PIBF1: variants seen among roughly 807,000 people sequenced by gnomAD.
The protein encoded by PIBF1 is progesterone-induced-blocking factor 1.
In PIBF1, 90 loss-of-function variants were observed where a neutral mutation model predicts 112.5. That is an observed-to-expected ratio of 0.80 (90% CI 0.67 to 0.95). The LOEUF (loss-of-function observed/expected upper bound fraction) is 0.95. Ranked by LOEUF, PIBF1 falls within the 40% of genes least tolerant of loss-of-function variation. PIBF1 has a pLI of 0.00. For missense variants in PIBF1, 915 were observed against 852.3 expected (o/e 1.07, Z -0.92); for synonymous variants, 301 against 288.6 (o/e 1.04, Z -0.44).
intron 14 of PIBF1, among the ~76,000 whole-genome samples, chr13:72,949,774 T>C (rs1307589051): frequency 6.6e-6 from 1 of 152,130 alleles, no homozygotes; most frequent in Admixed American, 6.5e-5. Context: ...TGCTATTCTG[T>C]TCTGTTTCTT....
chr13:72,814,192 C>A (rs1319613504), intron 5 of PIBF1, among the ~76,000 whole-genome samples: 2 of 152,066 alleles, frequency 1.3e-5, no homozygotes, highest in Non-Finnish European at 2.9e-5. Context: ...AATCCCAGCG[C>A]TCTAGGAGGC....
intron 6 of PIBF1, 47 bp downstream of exon 6, chr13:72,822,029 G>A: frequency 2.0e-6 from 3 of 1,512,926 alleles, no homozygotes; most frequent in East Asian, 2.4e-5. Context: ...TTTTTAGGGT[G>A]CATCAAAGTC....
intron 17 of PIBF1, among the ~76,000 whole-genome samples, chr13:73,003,049 A>G (rs2043923233): frequency 7.0e-6 from 1 of 143,422 alleles, no homozygotes; most frequent in South Asian, 2.4e-4. Context: ...ACGATTGTGC[A>G]CCTCCAGTGT....
chr13:72,904,446 T>TTTTTTTTTTG (rs2040614769), intron 11 of PIBF1, among the ~76,000 whole-genome samples: 1 of 117,104 alleles, frequency 8.5e-6, no homozygotes, highest in African/African-American at 3.3e-5. Flanking sequence ...TTTTTTTTTT[T>TTTTTTTTTTG]TTTTTTTTTT....
intron 16 of PIBF1, among the ~76,000 whole-genome samples, chr13:72,983,365 C>T (rs925533588): frequency 3.3e-5 from 5 of 152,080 alleles, no homozygotes; most frequent in African/African-American, 7.2e-5. Flanking sequence ...AGTGTTTTTG[C>T]CAATAACACT....
intron 6 of PIBF1, among the ~76,000 whole-genome samples, chr13:72,822,459 T>C (rs1462473870): frequency 6.6e-6 from 1 of 152,184 alleles, no homozygotes; most frequent in East Asian, 1.9e-4. Flanking sequence ...GTTCAGTAAT[T>C]TAATGAGCTG....
chr13:72,915,269 G>C (rs889771026), intron 12 of PIBF1, among the ~76,000 whole-genome samples: 2 of 152,056 alleles, frequency 1.3e-5, no homozygotes, highest in Non-Finnish European at 2.9e-5. Flanking sequence ...CTGAATCTCA[G>C]TCTCCCCATA....
intron 13 of PIBF1, among the ~76,000 whole-genome samples, chr13:72,927,960 CACATAT>C (rs2041552068): frequency 4.5e-5 from 5 of 112,266 alleles, no homozygotes; most frequent in African/African-American, 1.7e-4. Context: ...TATATATATA[CACATAT>C]ATATATATAT....
intron 8 of PIBF1, among the ~76,000 whole-genome samples, chr13:72,834,256 T>G (rs1263676792): frequency 6.6e-6 from 1 of 152,196 alleles, no homozygotes; most frequent in Non-Finnish European, 1.5e-5. Flanking sequence ...CCTTCTTTCT[T>G]CTACTGGATG....
rs191482867 is a variant in PIBF1 at position 72,898,153 on chromosome 13, A to G, written c.1488+4204A>G. Among the ~76,000 whole-genome samples the G allele has an allele frequency of 4.9e-4, 75 of 152,282 alleles. No homozygotes were observed. The Middle Eastern group carries it at 0.014, about 28-fold the overall frequency. ...GGAATAAAACTGGAAATCAACTCCA[A>G]AAGGAACCTTCAGAATCACACAAAT... On this transcript the variant is annotated intron_variant, in intron 11 of 17. Transcript: ENST00000326291.
At chr13:72,853,676 A>G (rs1046004442) in intron 9 of PIBF1, among the ~76,000 whole-genome samples, 2 of 152,188 alleles carry the variant, frequency 1.3e-5, no homozygotes, top group African/African-American at 4.8e-5. Flanking sequence ...TCCACAATAT[A>G]TCTTTCACTT....
At chr13:73,005,736 C>G (rs763484312) in intron 17 of PIBF1, among the ~76,000 whole-genome samples, 3 of 152,018 alleles carry the variant, frequency 2.0e-5, no homozygotes, top group Non-Finnish European at 2.9e-5. Context: ...CACTGTGCCT[C>G]CCAACATTTT....
chr13:72,982,296 G>T (rs1251083827), intron 16 of PIBF1, among the ~76,000 whole-genome samples: 1 of 152,030 alleles, frequency 6.6e-6, no homozygotes, highest in African/African-American at 2.4e-5. Context: ...ATTATCCAGG[G>T]ATGGTGGCAC....
chr13:72,786,788 C>T (rs2034620380), intron 2 of PIBF1, among the ~76,000 whole-genome samples: 1 of 152,130 alleles, frequency 6.6e-6, no homozygotes, highest in Non-Finnish European at 1.5e-5. Context: ...CTCTATCATA[C>T]GAGCACTCAG....
At chr13:72,810,915 G>C (rs1022743561) in intron 5 of PIBF1, among the ~76,000 whole-genome samples, 3 of 147,976 alleles carry the variant, frequency 2.0e-5, no homozygotes, top group Non-Finnish European at 4.4e-5. Context: ...GGAGTGCCTT[G>C]GCACAATATA....
At chr13:72,901,098 A>G (rs1203945572) in intron 11 of PIBF1, 1 of 448,796 alleles carries the variant, frequency 2.2e-6, no homozygotes, top group East Asian at 7.3e-5. Flanking sequence ...TTCGCACAGC[A>G]AAAGGAACAG....
chr13:72,961,377 C>A (rs909394535), intron 14 of PIBF1, among the ~76,000 whole-genome samples: 1 of 151,812 alleles, frequency 6.6e-6, no homozygotes, highest in Non-Finnish European at 1.5e-5. Context: ...AGTGGAAAAC[C>A]AAAAAATTGA....
chr13:72,911,439 T>A (rs2040890349), intron 12 of PIBF1, among the ~76,000 whole-genome samples: 1 of 152,282 alleles, frequency 6.6e-6, no homozygotes, highest in African/African-American at 2.4e-5. Flanking sequence ...TGGACATCTT[T>A]ATGGAAGTAA....
chr13:72,860,385 A>G (rs2038641768), intron 10 of PIBF1, among the ~76,000 whole-genome samples: 1 of 150,254 alleles, frequency 6.7e-6, no homozygotes, highest in South Asian at 2.1e-4. Flanking sequence ...TACTGAAGTT[A>G]TTTTGAGTAT....
Sources: gnomAD v4.1 joint callset for allele counts (sites outside exome capture counted in the v4.1 genomes callset) on GRCh38, gnomAD v4.1.1 for gene constraint, MANE v1.5 for transcripts, NCBI Gene and HGNC (gene_info 2026-07-23, HGNC 2026-07-21) for gene names.